SHISA9: variants seen among roughly 807,000 people sequenced by gnomAD.
SHISA9 encodes protein shisa-9.
In SHISA9, 13 loss-of-function variants were observed where a neutral mutation model predicts 38.0. The observed-to-expected ratio is 0.34, with a 90% CI of 0.22 to 0.54. SHISA9 has a LOEUF of 0.54. Ranked by LOEUF, SHISA9 falls within the 20% of genes least tolerant of loss-of-function variation. The pLI is 0.91. For synonymous variants in SHISA9, 275 were observed against 242.0 expected (o/e 1.14, Z -1.27); for missense variants, 538 against 575.8 (o/e 0.93, Z 0.67).
the SHISA9 span, among the ~76,000 whole-genome samples, chr16:13,532,353 C>G: frequency 1.3e-5 from 2 of 152,144 alleles, no homozygotes; most frequent in Non-Finnish European, 2.9e-5. Flanking sequence ...AGAGGAAACA[C>G]AGCTGGAGGA....
intron 2 of SHISA9, among the ~76,000 whole-genome samples, chr16:12,918,930 C>T (rs559475376): frequency 3.9e-5 from 6 of 152,198 alleles, no homozygotes; most frequent in Admixed American, 2.6e-4. Flanking sequence ...ACCTTTTCAC[C>T]GGTTTATATT....
the SHISA9 span, among the ~76,000 whole-genome samples, chr16:13,554,960 C>T: frequency 5.9e-5 from 9 of 152,318 alleles, no homozygotes; most frequent in Admixed American, 5.9e-4. Context: ...CCATTTGAGG[C>T]CATATCTCCT....
At chr16:13,134,611 G>C (rs1359970079) in intron 2 of SHISA9, among the ~76,000 whole-genome samples, 1 of 152,138 alleles carries the variant, frequency 6.6e-6, no homozygotes, top group Non-Finnish European at 1.5e-5. Context: ...GTGGAGGTGA[G>C]TATGGTGGGA....
intron 2 of SHISA9, among the ~76,000 whole-genome samples, chr16:13,004,999 C>T (rs565877484): frequency 9.4e-4 from 80 of 85,394 alleles, no homozygotes; most frequent in Non-Finnish European, 1.5e-3. Flanking sequence ...AAATGTATAG[C>T]TGCAATCCAT....
intron 2 of SHISA9, among the ~76,000 whole-genome samples, chr16:12,919,044 G>T (rs1376766766): frequency 2.0e-5 from 3 of 152,108 alleles, no homozygotes; most frequent in Non-Finnish European, 2.9e-5. Context: ...ACATATTATA[G>T]ATACAGAAAA....
chr16:13,079,502 G>C (rs1166676041), intron 2 of SHISA9, among the ~76,000 whole-genome samples: 1 of 152,196 alleles, frequency 6.6e-6, no homozygotes, highest in African/African-American at 2.4e-5. Flanking sequence ...ACTGTTAAGT[G>C]ATTTGCGCTG....
At chr16:13,454,793 T>C in the SHISA9 span, among the ~76,000 whole-genome samples, 934 of 152,296 alleles carry the variant, frequency 6.1e-3, 7 homozygotes, top group Admixed American at 9.7e-3. Context: ...TTCTCCAAAA[T>C]TGGAGATACC....
Position 13,119,923 on chromosome 16 carries a change from GT to G in SHISA9, c.692-83465del, listed in dbSNP as rs540460187. 6.8e-4 allele frequency among the ~76,000 whole-genome samples: 103 copies of G among 152,266 alleles called. 2 individuals carry two copies. In the East Asian group the frequency reaches 0.019, roughly 28 times the overall value. On this transcript the variant is annotated intron_variant, in intron 2 of 4. Coordinates refer to ENST00000558583, the MANE Select transcript of SHISA9 (RefSeq NM_001145204.3). Reference sequence around the variant, plus strand: ...CCTTCAATAACAGCAAAGATGTACAGTTTTTTAGAAGAGGAGTGGTGGATGA... The same window carrying G: ...CCTTCAATAACAGCAAAGATGTACAGTTTTTAGAAGAGGAGTGGTGGATGA...
At chr16:13,512,494 G>A in the SHISA9 span, among the ~76,000 whole-genome samples, 1 of 152,052 alleles carries the variant, frequency 6.6e-6, no homozygotes, top group Non-Finnish European at 1.5e-5. Context: ...CACAGAATTA[G>A]AAAAAACTAG....
the SHISA9 span, among the ~76,000 whole-genome samples, chr16:13,262,968 T>C: frequency 2.0e-5 from 3 of 152,286 alleles, no homozygotes; most frequent in African/African-American, 2.4e-5. Flanking sequence ...TACATAGACA[T>C]GAGGGTCTCT....
At chr16:12,929,261 C>G (rs377365988) in intron 2 of SHISA9, among the ~76,000 whole-genome samples, 19 of 152,134 alleles carry the variant, frequency 1.2e-4, no homozygotes, top group Non-Finnish European at 1.8e-4. Context: ...AGCAGAAATA[C>G]CATTTGACCC....
chr16:13,310,844 C>A, the SHISA9 span, among the ~76,000 whole-genome samples: 2 of 151,950 alleles, frequency 1.3e-5, no homozygotes, highest in East Asian at 1.9e-4. Context: ...CCACCATTCA[C>A]AGCTAATTTT....
chr16:13,354,865 G>C, the SHISA9 span, among the ~76,000 whole-genome samples: 6 of 152,236 alleles, frequency 3.9e-5, no homozygotes, highest in East Asian at 9.7e-4. Context: ...GAGAATTATG[G>C]CGAGATAGGT....
At chr16:13,056,599 T>C (rs2073313470) in intron 2 of SHISA9, among the ~76,000 whole-genome samples, 1 of 152,196 alleles carries the variant, frequency 6.6e-6, no homozygotes, top group Admixed American at 6.5e-5. Flanking sequence ...CTGGGCCAGA[T>C]TGTCTGAGTT....
intron 2 of SHISA9, among the ~76,000 whole-genome samples, chr16:13,028,928 C>T (rs1265425223): frequency 6.6e-6 from 1 of 152,050 alleles, no homozygotes; most frequent in Non-Finnish European, 1.5e-5. Flanking sequence ...GGGGACGAGT[C>T]CTTCCCTGAA....
chr16:12,962,872 G>T (rs1420891896), intron 2 of SHISA9, among the ~76,000 whole-genome samples: 1 of 152,192 alleles, frequency 6.6e-6, no homozygotes, highest in East Asian at 1.9e-4. Context: ...AGGGGTAGCT[G>T]TGTGACCACT....
intron 2 of SHISA9, among the ~76,000 whole-genome samples, chr16:12,953,868 GAGAA>G (rs1342913830): frequency 6.6e-6 from 1 of 152,228 alleles, no homozygotes; most frequent in Non-Finnish European, 1.5e-5. Flanking sequence ...GGTGGTAGGA[GAGAA>G]AGAGTGAGCT....
At chr16:13,449,447 G>A in the SHISA9 span, among the ~76,000 whole-genome samples, 17 of 152,148 alleles carry the variant, frequency 1.1e-4, no homozygotes, top group Non-Finnish European at 2.1e-4. Context: ...CTTCCTGGGG[G>A]TAAGGGGAAG....
intron 2 of SHISA9, among the ~76,000 whole-genome samples, chr16:13,200,098 C>T (rs555165736): frequency 1.3e-5 from 2 of 152,188 alleles, no homozygotes; most frequent in Admixed American, 1.3e-4. Context: ...GCATTCAATA[C>T]GATTTACCAG....
Sources: gnomAD v4.1 joint callset for allele counts (sites outside exome capture counted in the v4.1 genomes callset) on GRCh38, gnomAD v4.1.1 for gene constraint, MANE v1.5 for transcripts, NCBI Gene and HGNC (gene_info 2026-07-23, HGNC 2026-07-21) for gene names.